NRXN1: variants seen among roughly 807,000 people sequenced by gnomAD.
NRXN1 encodes neurexin 1, also known as neurexin-1.
In NRXN1, 39 loss-of-function variants were observed where a neutral mutation model predicts 150.9. That is an observed-to-expected ratio of 0.26 (90% CI 0.20 to 0.34). The LOEUF (loss-of-function observed/expected upper bound fraction) is 0.34, where lower values mean the gene tolerates loss of function less well. Ranked by LOEUF, NRXN1 falls within the 10% of genes least tolerant of loss-of-function variation. The pLI, the probability that NRXN1 is intolerant of heterozygous loss-of-function variation, is 1.00. For missense variants in NRXN1, 1,815 were observed against 1,949.9 expected (o/e 0.93, Z 1.30); for synonymous variants, 924 against 757.0 (o/e 1.22, Z -3.62).
At chr2:49,944,917 G>A (rs144771857) in intron 21 of NRXN1, among the ~76,000 whole-genome samples, 2 of 152,102 alleles carry the variant, frequency 1.3e-5, no homozygotes, top group Non-Finnish European at 2.9e-5. Context: ...TATTAAAGGA[G>A]CACCTAATAT....
At chr2:50,480,279 C>T (rs560789931) in intron 15 of NRXN1, among the ~76,000 whole-genome samples, 1 of 152,142 alleles carries the variant, frequency 6.6e-6, no homozygotes, top group Middle Eastern at 3.4e-3. Context: ...TATCAGTGTG[C>T]GTAGTAATGA....
chr2:50,708,725 G>T (rs1273088239), intron 5 of NRXN1, among the ~76,000 whole-genome samples: 1 of 152,080 alleles, frequency 6.6e-6, no homozygotes, highest in Non-Finnish European at 1.5e-5. Context: ...GTAAAGTATC[G>T]GTGGGATCTA....
At chr2:50,982,143 T>C (rs1478417809) in intron 2 of NRXN1, among the ~76,000 whole-genome samples, 1 of 152,066 alleles carries the variant, frequency 6.6e-6, no homozygotes, top group African/African-American at 2.4e-5. Flanking sequence ...AGAAAAAGCT[T>C]ACAGATTTAT....
At chr2:50,549,506 T>C (rs945884694) in intron 9 of NRXN1, among the ~76,000 whole-genome samples, 3 of 152,166 alleles carry the variant, frequency 2.0e-5, no homozygotes, top group Non-Finnish European at 4.4e-5. Context: ...GCACCAAGCA[T>C]AGTAATCTGA....
intron 17 of NRXN1, among the ~76,000 whole-genome samples, chr2:50,419,570 GA>G (rs2083808729): frequency 6.6e-6 from 1 of 150,662 alleles, no homozygotes; most frequent in Non-Finnish European, 1.5e-5. Flanking sequence ...CAGTGGGAAA[GA>G]AAAAAGAAAG....
At chr2:50,032,745 C>T (rs1689367846) in intron 21 of NRXN1, among the ~76,000 whole-genome samples, 1 of 151,862 alleles carries the variant, frequency 6.6e-6, no homozygotes, top group African/African-American at 2.4e-5. Flanking sequence ...CACCAGAGCT[C>T]TTTTTCCCTG....
chr2:50,915,555 A>G (rs1685100470), intron 5 of NRXN1, among the ~76,000 whole-genome samples: 1 of 151,650 alleles, frequency 6.6e-6, no homozygotes, highest in African/African-American at 2.4e-5. Flanking sequence ...AGGATAATCA[A>G]TCTTTAATAC....
chr2:50,440,270 G>C (rs1032328832), intron 17 of NRXN1, among the ~76,000 whole-genome samples: 1 of 152,100 alleles, frequency 6.6e-6, no homozygotes, highest in South Asian at 2.1e-4. Flanking sequence ...AGATGACATA[G>C]GGTCCAGAAT....
At chr2:50,569,756 C>T (rs1370459631) in intron 8 of NRXN1, among the ~76,000 whole-genome samples, 1 of 152,132 alleles carries the variant, frequency 6.6e-6, no homozygotes, top group Non-Finnish European at 1.5e-5. Flanking sequence ...CAATTGAATT[C>T]AGACCCCTGG....
chr2:50,652,409 C>T (rs1184291596), intron 5 of NRXN1, among the ~76,000 whole-genome samples: 3 of 151,992 alleles, frequency 2.0e-5, no homozygotes, highest in African/African-American at 7.2e-5. Flanking sequence ...ACCCCCAGGC[C>T]AACCTAAGCA....
At chr2:50,593,282 G>A (rs764911504) in intron 8 of NRXN1, among the ~76,000 whole-genome samples, 2 of 152,160 alleles carry the variant, frequency 1.3e-5, no homozygotes, top group Non-Finnish European at 2.9e-5. Flanking sequence ...AGTCAGCCCA[G>A]CTCCACCTCA....
intron 17 of NRXN1, among the ~76,000 whole-genome samples, chr2:50,327,438 G>A (rs1450396635): frequency 2.0e-5 from 3 of 152,160 alleles, no homozygotes; most frequent in Admixed American, 2.0e-4. Context: ...AATGCCCTGT[G>A]TATGGATGTG....
chr2:50,645,244 T>C (rs1684655822), intron 5 of NRXN1, among the ~76,000 whole-genome samples: 1 of 151,974 alleles, frequency 6.6e-6, no homozygotes, highest in Admixed American at 6.6e-5. Flanking sequence ...TTCATATATA[T>C]TCAAAATGTG....
At chr2:50,580,145 T>A (rs1672033996) in intron 8 of NRXN1, among the ~76,000 whole-genome samples, 1 of 152,192 alleles carries the variant, frequency 6.6e-6, no homozygotes, top group Non-Finnish European at 1.5e-5. Flanking sequence ...AAATTTCATA[T>A]TTCCTGAAGA....
intron 17 of NRXN1, among the ~76,000 whole-genome samples, chr2:50,244,095 T>C (rs1020314599): frequency 1.3e-5 from 2 of 151,936 alleles, no homozygotes; most frequent in African/African-American, 4.8e-5. Flanking sequence ...CTATATTCTC[T>C]AATAAAATTG....
intron 5 of NRXN1, among the ~76,000 whole-genome samples, chr2:50,796,416 A>G (rs1706838145): frequency 1.3e-5 from 2 of 152,104 alleles, no homozygotes; most frequent in Admixed American, 1.3e-4. Context: ...AAAGTGGGAC[A>G]CCATGAGAGG....
chr2:50,239,211 G>T (rs890766695), intron 17 of NRXN1, among the ~76,000 whole-genome samples: 1 of 151,766 alleles, frequency 6.6e-6, no homozygotes. Context: ...ATAAAAATAG[G>T]ACAAGAACAT....
In NRXN1 at chr2:50,900,824, G is replaced by A. The variant is rs138150104; in HGVS notation, c.832+21045C>T. 2.9e-3 allele frequency among the ~76,000 whole-genome samples: 441 copies of A among 152,230 alleles called. 1 individual carries two copies. Among genetic ancestry groups the A allele is most frequent in the African/African-American group, 8.5e-3 (354 of 41,548 alleles). ...GGCAGGAATGATGTAATGCAAGAAC[G>A]AGGTGATGAGCGCTACCTGGATTAG... On this transcript the variant is annotated intron_variant, in intron 5 of 22. Transcript: ENST00000401669.
chr2:50,489,085 T>A (rs1178578518), intron 15 of NRXN1, among the ~76,000 whole-genome samples: 1 of 152,178 alleles, frequency 6.6e-6, no homozygotes, highest in East Asian at 1.9e-4. Context: ...TGTCAGCTTA[T>A]CATGAAAGGC....
Sources: allele counts gnomAD v4.1 joint callset (sites outside exome capture counted in the v4.1 genomes callset), GRCh38; gene constraint gnomAD v4.1.1; transcripts MANE v1.5; gene names NCBI Gene and HGNC (gene_info 2026-07-23, HGNC 2026-07-21).